NLGN1: variants seen among roughly 807,000 people sequenced by gnomAD.
The protein encoded by NLGN1 is neuroligin-1.
In NLGN1, 12 loss-of-function variants were observed where a neutral mutation model predicts 65.5. That is an observed-to-expected ratio of 0.18 (90% CI 0.12 to 0.30). NLGN1 has a LOEUF of 0.30. NLGN1 is among the 10% of genes least tolerant of loss of function. NLGN1 has a pLI of 1.00. For missense variants in NLGN1, 750 were observed against 1,007.1 expected (o/e 0.74, Z 3.46); for synonymous variants, 350 against 359.5 (o/e 0.97, Z 0.30).
At chr3:174,054,666 G>A (rs537507381) in intron 4 of NLGN1, among the ~76,000 whole-genome samples, 2 of 152,084 alleles carry the variant, frequency 1.3e-5, no homozygotes, top group South Asian at 4.1e-4. Context: ...CATATGACTA[G>A]TACACTGCTC....
intron 4 of NLGN1, among the ~76,000 whole-genome samples, chr3:173,926,224 T>C (rs2152274753): frequency 6.6e-6 from 1 of 152,234 alleles, no homozygotes; most frequent in East Asian, 1.9e-4. Flanking sequence ...ACTACCACTC[T>C]TAACAATTTA....
intron 4 of NLGN1, among the ~76,000 whole-genome samples, chr3:174,066,164 A>G (rs959626986): frequency 1.4e-4 from 21 of 152,172 alleles, no homozygotes; most frequent in Non-Finnish European, 1.5e-4. Context: ...ACTTTCCCAC[A>G]ATACAAATAA....
At chr3:174,187,082 TTG>T (rs1731540645) in intron 4 of NLGN1, among the ~76,000 whole-genome samples, 1 of 152,052 alleles carries the variant, frequency 6.6e-6, no homozygotes, top group African/African-American at 2.4e-5. Flanking sequence ...ATGTAAATAA[TTG>T]TTATACTTTA....
intron 2 of NLGN1, among the ~76,000 whole-genome samples, chr3:173,440,382 A>T (rs920752763): frequency 6.6e-6 from 1 of 152,206 alleles, no homozygotes; most frequent in Admixed American, 6.5e-5. Context: ...AGTGGCACCT[A>T]GGATGGTAAA....
intron 2 of NLGN1, among the ~76,000 whole-genome samples, chr3:173,488,216 C>T (rs574750407): frequency 1.1e-4 from 17 of 152,032 alleles, no homozygotes; most frequent in Admixed American, 1.0e-3. Flanking sequence ...TATTATTTTA[C>T]TTTGATCACT....
chr3:174,112,235 A>G (rs1166194987), intron 4 of NLGN1, among the ~76,000 whole-genome samples: 1 of 151,992 alleles, frequency 6.6e-6, no homozygotes. Flanking sequence ...CAAGGTTGAA[A>G]TGTCTAGTTG....
At chr3:174,191,783 T>TTTTGTTTGTTTG (rs139387413) in intron 4 of NLGN1, among the ~76,000 whole-genome samples, 116 of 151,906 alleles carry the variant, frequency 7.6e-4, no homozygotes, top group African/African-American at 2.5e-3. Context: ...TTTCAGGTTG[T>TTTTGTTTGTTTG]TTTGTTTGTT....
chr3:174,224,184 A>G (rs2152808658), intron 4 of NLGN1, among the ~76,000 whole-genome samples: 1 of 152,308 alleles, frequency 6.6e-6, no homozygotes, highest in Non-Finnish European at 1.5e-5. Context: ...AATGGCCAAT[A>G]AAGAATGCTT....
intron 4 of NLGN1, among the ~76,000 whole-genome samples, chr3:173,852,827 A>G (rs1727235596): frequency 6.6e-6 from 1 of 152,188 alleles, no homozygotes; most frequent in African/African-American, 2.4e-5. Context: ...ATCAATAACA[A>G]TCTAGCTAGA....
chr3:173,775,491 G>A (rs1191455912), intron 3 of NLGN1, among the ~76,000 whole-genome samples: 3 of 151,662 alleles, frequency 2.0e-5, no homozygotes, highest in South Asian at 4.2e-4. Context: ...CCCACCATAC[G>A]ATTGGGATCA....
At chr3:174,168,232 A>G (rs73035622) in intron 4 of NLGN1, among the ~76,000 whole-genome samples, 3,761 of 152,134 alleles carry the variant, frequency 0.025, 115 homozygotes, top group African/African-American at 0.064. Context: ...TAATTTGGTT[A>G]GGGATCATTG....
intron 4 of NLGN1, among the ~76,000 whole-genome samples, chr3:173,984,339 A>G (rs542017215): frequency 3.9e-5 from 6 of 152,316 alleles, no homozygotes; most frequent in South Asian, 2.1e-4. Flanking sequence ...ATATCTGCAT[A>G]TCTAAAATAA....
intron 4 of NLGN1, among the ~76,000 whole-genome samples, chr3:173,892,595 CAGTT>C (rs1227248917): frequency 6.8e-6 from 1 of 146,856 alleles, no homozygotes; most frequent in African/African-American, 2.5e-5. Context: ...AAAAAAATGA[CAGTT>C]AAGAAATGAG....
At chr3:173,498,443 C>T (rs1182324269) in intron 2 of NLGN1, among the ~76,000 whole-genome samples, 1 of 151,792 alleles carries the variant, frequency 6.6e-6, no homozygotes, top group East Asian at 1.9e-4. Flanking sequence ...TTTCTTAATC[C>T]AGTCTATCAT....
chr3:173,712,722 C>T (rs975123138), intron 3 of NLGN1, among the ~76,000 whole-genome samples: 1 of 152,054 alleles, frequency 6.6e-6, no homozygotes, highest in African/African-American at 2.4e-5. Flanking sequence ...AACAATTCTA[C>T]AAATGAAGAT....
chr3:173,852,386 A>G (rs1007443386), intron 4 of NLGN1, among the ~76,000 whole-genome samples: 2 of 136,682 alleles, frequency 1.5e-5, no homozygotes, highest in Admixed American at 7.2e-5. Flanking sequence ...AAAAAAAAAA[A>G]AAGTAAGTGG....
Position 173,639,542 on chromosome 3 carries a change from T to C in NLGN1, c.493+34451T>C, listed in dbSNP as rs899274890. Among the ~76,000 whole-genome samples the C allele has an allele frequency of 5.3e-5, 8 of 152,204 alleles. No homozygotes were observed. The South Asian group carries it at 1.2e-3, about 24-fold the overall frequency. On this transcript the variant is annotated intron_variant, in intron 3 of 6. Coordinates refer to ENST00000457714, the Ensembl canonical transcript of NLGN1. ...CATGGTTAGACATGGAGGACTGTTA[T>C]GGGGATGTGTTTATTGAAAATGAGA...
chr3:173,547,871 G>A lies in NLGN1; in HGVS notation c.-320-56408G>A, dbSNP rs559184347. 4.6e-5 allele frequency among the ~76,000 whole-genome samples: 7 copies of A among 152,072 alleles called. No homozygotes were observed. In the South Asian group the frequency reaches 6.2e-4, roughly 14 times the overall value. On this transcript the variant is annotated intron_variant, in intron 2 of 6. Transcript: ENST00000457714. Reference sequence around the variant, plus strand: ...ATTTCTATTACAGGGGGGTAGGAACGGAAGTCTTGGTAAGGAGGCCAGATG... The same window carrying A: ...ATTTCTATTACAGGGGGGTAGGAACAGAAGTCTTGGTAAGGAGGCCAGATG...
At chr3:173,397,280 A>C (rs1018345731), upstream of NLGN1, among the ~76,000 whole-genome samples, 2 of 152,192 alleles carry the variant, frequency 1.3e-5, no homozygotes, top group Non-Finnish European at 2.9e-5. Context: ...GAGCGAGACG[A>C]AGCCGTGTCT....
Sources: allele counts gnomAD v4.1 joint callset (sites outside exome capture counted in the v4.1 genomes callset), GRCh38; gene constraint gnomAD v4.1.1; transcripts MANE v1.5; gene names NCBI Gene and HGNC (gene_info 2026-07-23, HGNC 2026-07-21).